Variants in ADCY5 observed in about 807,000 individuals in gnomAD.
ADCY5 encodes the protein adenylate cyclase type 5.
In ADCY5, 30 loss-of-function variants were observed where a neutral mutation model predicts 119.7. The ratio of observed to expected loss-of-function variants is 0.25; its 90% CI spans 0.19 to 0.34. The LOEUF is 0.34. Among genes scored for constraint, ADCY5 ranks in the 10% least tolerant of loss-of-function variants. The pLI is 1.00. For synonymous variants in ADCY5, 753 were observed against 762.2 expected, an observed-to-expected ratio of 0.99 and a Z score of 0.20; for missense variants, 1,324 against 1,775.2, an observed-to-expected ratio of 0.75 and a Z score of 4.57.
chr3:123,412,368 C>T (rs1162468926), intron 1 of ADCY5, among the ~76,000 whole-genome samples: 2 of 152,168 alleles, frequency 1.3e-5, no homozygotes, highest in South Asian at 4.2e-4. Flanking sequence ...TAGGACGTCC[C>T]TGCGGGCTCT....
intron 1 of ADCY5, among the ~76,000 whole-genome samples, chr3:123,366,348 C>T (rs1462161766): frequency 1.3e-5 from 2 of 152,198 alleles, no homozygotes; most frequent in Non-Finnish European, 2.9e-5. Flanking sequence ...CCACCTTAGG[C>T]CCACAGAGTG....
chr3:123,420,939 G>A, intron 1 of ADCY5, among the ~76,000 whole-genome samples: 1 of 152,040 alleles, frequency 6.6e-6, no homozygotes, highest in Non-Finnish European at 1.5e-5. Flanking sequence ...GCTTGTAGAT[G>A]GTGTTCTCTC....
chr3:123,336,248 C>T (rs949569222), intron 3 of ADCY5, among the ~76,000 whole-genome samples: 1 of 152,264 alleles, frequency 6.6e-6, no homozygotes, highest in Non-Finnish European at 1.5e-5. Flanking sequence ...CACCTGCCCC[C>T]TCCACCCAGG....
chr3:123,341,477 G>A lies in ADCY5; in HGVS notation c.1406+6305C>T, dbSNP rs532854149. Among the ~76,000 whole-genome samples, 8 of 152,130 alleles carry A rather than the reference G, an allele frequency of 5.3e-5. No homozygotes were observed. In the South Asian group the frequency reaches 1.7e-3, roughly 32 times the overall value. On this transcript the variant is annotated intron_variant, in intron 3 of 20. Transcript: ENST00000462833. ...AATGATGGTTTCCAGGAGCTTGGGG[G>A]AGGGAGGATGGGGAGTTAGCGCTTA...
At chr3:123,317,013 T>C (rs1488307885) in intron 11 of ADCY5, among the ~76,000 whole-genome samples, 1 of 146,262 alleles carries the variant, frequency 6.8e-6, no homozygotes. Context: ...AAATATGTAT[T>C]TATACATATA....
chr3:123,399,511 TA>T (rs1308572448), intron 1 of ADCY5, among the ~76,000 whole-genome samples: 1 of 151,906 alleles, frequency 6.6e-6, no homozygotes, highest in Non-Finnish European at 1.5e-5. Context: ...TTCTTAGGCT[TA>T]TTTTTTTTTT....
chr3:123,293,527 ACACACG>A lies in ADCY5; in HGVS notation c.3064-2157_3064-2152del, dbSNP rs531596487. 4.0e-5 allele frequency among the ~76,000 whole-genome samples: 6 copies of A among 151,460 alleles called. No individual in the cohort carries two copies. The East Asian group carries it at 1.2e-3, about 30-fold the overall frequency. ...CACAGGCTCACTCACACATTCCTAC[ACACACG>A]CACATGCACACACACACTCTTGTGC... On this transcript the variant is annotated intron_variant, in intron 17 of 20. Transcript: ENST00000462833.
At chr3:123,442,540 T>G (rs1199763085) in intron 1 of ADCY5, among the ~76,000 whole-genome samples, 1 of 152,348 alleles carries the variant, frequency 6.6e-6, no homozygotes, top group African/African-American at 2.4e-5. Flanking sequence ...TTGATGGGGT[T>G]TAACGCATCA....
At chr3:123,333,171 A>T (rs4677883) in intron 3 of ADCY5, among the ~76,000 whole-genome samples, 6 of 152,076 alleles carry the variant, frequency 3.9e-5, no homozygotes, top group African/African-American at 7.2e-5. Flanking sequence ...AGAAGAGACA[A>T]GAGAGCTTGC....
At chr3:123,363,876 TC>T (rs1404397236) in intron 1 of ADCY5, among the ~76,000 whole-genome samples, 1 of 152,134 alleles carries the variant, frequency 6.6e-6, no homozygotes, top group Non-Finnish European at 1.5e-5. Flanking sequence ...ACCACTGAAC[TC>T]CAGCCTGGGT....
intron 1 of ADCY5, among the ~76,000 whole-genome samples, chr3:123,426,863 C>A (rs75928446): frequency 6.6e-6 from 1 of 152,100 alleles, no homozygotes; most frequent in African/African-American, 2.4e-5. Flanking sequence ...GGAGGAGAAG[C>A]TAGGAGGTTG....
chr3:123,376,606 C>A (rs528180235), intron 1 of ADCY5, among the ~76,000 whole-genome samples: 1 of 152,226 alleles, frequency 6.6e-6, no homozygotes, highest in East Asian at 1.9e-4. Flanking sequence ...AATGGGCCAC[C>A]CTCCTACTAT....
intron 3 of ADCY5, among the ~76,000 whole-genome samples, chr3:123,335,158 C>T (rs1941961052): frequency 6.6e-6 from 1 of 152,112 alleles, no homozygotes; most frequent in South Asian, 2.1e-4. Flanking sequence ...CCCTACATAC[C>T]GAGCCAGCGC....
At position 123,447,838 on chromosome 3, in the gene ADCY5, G is replaced by A. The variant is rs1945854530; in HGVS notation, c.708C>T (p.Arg236=). 1 of 1,612,686 alleles carries A rather than the reference G, an allele frequency of 6.2e-7. No homozygotes were observed. Among genetic ancestry groups the A allele is most frequent in the Non-Finnish European group, 8.5e-7 (1 of 1,179,744 alleles). The part of the protein sequence containing the change: ...LERLYQRYFF[R]LNQSSLTMLM... ...GCATGGTGAGGCTGCTCTGGTTCAG[G>A]CGGAAGAAGTAGCGCTGGTACAGCC... Residue 236 remains arginine (R), a synonymous_variant, in exon 1 of 21, where the codon CGC becomes CGT. Coordinates refer to ENST00000462833, the MANE Select transcript of ADCY5 (RefSeq NM_183357.3).
intron 1 of ADCY5, among the ~76,000 whole-genome samples, chr3:123,378,983 C>A (rs1017604946): frequency 2.0e-5 from 3 of 152,146 alleles, no homozygotes; most frequent in African/African-American, 7.2e-5. Flanking sequence ...TTCAGCGGTG[C>A]CTGGCCCTGT....
intron 10 of ADCY5, among the ~76,000 whole-genome samples, chr3:123,318,401 C>A (rs1181643334): frequency 6.6e-6 from 1 of 151,858 alleles, no homozygotes; most frequent in Admixed American, 6.6e-5. Context: ...CTGTACATGA[C>A]TGCATGCCAT....
chr3:123,314,287 G>GAACA lies in ADCY5; in HGVS notation c.2386_2389dup (p.Ser797LeufsTer98), dbSNP rs1240870138. 6.2e-7 allele frequency: 1 copy of GAACA among 1,613,792 alleles called. No individual in the cohort carries two copies. Among genetic ancestry groups the GAACA allele is most frequent in the South Asian group, 1.1e-5 (1 of 91,034 alleles). On this transcript the variant is annotated frameshift_variant, in exon 12 of 21. Coordinates refer to ENST00000462833, the MANE Select transcript of ADCY5 (RefSeq NM_183357.3). LOFTEE classifies it high-confidence loss of function. ...AAACACCACCAAGGTCAGCAGCAGG[G>GAACA]AACAGGTCAGGTAGAAGCTGAGCAT...
chr3:123,315,166 C>T (rs997091544), intron 11 of ADCY5, among the ~76,000 whole-genome samples: 1 of 152,168 alleles, frequency 6.6e-6, no homozygotes, highest in Non-Finnish European at 1.5e-5. Context: ...AGTGGCCTGA[C>T]GAGGCCAGGT....
chr3:123,345,773 C>G (rs62263786), intron 3 of ADCY5, among the ~76,000 whole-genome samples: 3 of 76,810 alleles, frequency 3.9e-5, no homozygotes, highest in Admixed American at 1.4e-4. Flanking sequence ...CAGACAGACA[C>G]ACACACACAC....
Sources: gnomAD v4.1 joint callset for allele counts (sites outside exome capture counted in the v4.1 genomes callset) on GRCh38, gnomAD v4.1.1 for gene constraint, MANE v1.5 for transcripts, NCBI Gene and HGNC (gene_info 2026-07-23, HGNC 2026-07-21) for gene names.